UEVLD: variants seen among roughly 807,000 people sequenced by gnomAD.
UEVLD encodes ubiquitin-conjugating enzyme E2 variant 3.
UEVLD carries 47 observed loss-of-function variants against 58.6 expected under a neutral mutation model. The ratio of observed to expected loss-of-function variants is 0.80; its 90% CI spans 0.63 to 1.02. The LOEUF is 1.02. Ranked by LOEUF, UEVLD falls within the 50% of genes least tolerant of loss-of-function variation. The probability of loss-of-function intolerance (pLI) is 0.00; values close to 1 mark genes in which losing one functional copy is unlikely to be tolerated. For missense variants in UEVLD, 510 were observed against 550.6 expected (o/e 0.93, Z 0.74); for synonymous variants, 197 against 195.3 (o/e 1.01, Z -0.07).
At chr11:18,571,191 C>T (rs1852590046) in intron 3 of UEVLD, among the ~76,000 whole-genome samples, 1 of 151,902 alleles carries the variant, frequency 6.6e-6, no homozygotes, top group Non-Finnish European at 1.5e-5. Context: ...ACTAAAAATT[C>T]AAAAAGTTAA....
intron 2 of UEVLD, 86 bp downstream of exon 2, chr11:18,578,638 G>C: frequency 1.1e-6 from 1 of 913,196 alleles, no homozygotes; most frequent in South Asian, 1.5e-5. Flanking sequence ...AAGAGAAAAA[G>C]AGAAATTACA....
chr11:18,576,869 G>A (rs2134055340), intron 2 of UEVLD, among the ~76,000 whole-genome samples: 1 of 152,192 alleles, frequency 6.6e-6, no homozygotes, highest in East Asian at 1.9e-4. Context: ...ACAATGCTCG[G>A]GGCGACTGAT....
chr11:18,546,523 A>G (rs547758326), intron 8 of UEVLD, among the ~76,000 whole-genome samples: 4 of 145,256 alleles, frequency 2.8e-5, no homozygotes, highest in African/African-American at 1.0e-4. Context: ...TTTTTGAGAG[A>G]GTCTCACTCT....
chr11:18,564,022 A>AG, intron 6 of UEVLD: 1 of 351,572 alleles, frequency 2.8e-6, no homozygotes, highest in Non-Finnish European at 5.6e-6. Context: ...AAAAAAAAAA[A>AG]AAGAGGTGAT....
intron 1 of UEVLD, among the ~76,000 whole-genome samples, chr11:18,580,206 T>C (rs1853165187): frequency 4.6e-5 from 7 of 152,124 alleles, no homozygotes; most frequent in Admixed American, 3.9e-4. Flanking sequence ...TAACAAGTGT[T>C]GGAGAGGATG....
intron 3 of UEVLD, among the ~76,000 whole-genome samples, chr11:18,571,810 T>A (rs1007694250): frequency 1.8e-4 from 27 of 152,086 alleles, no homozygotes; most frequent in Admixed American, 1.8e-3. Flanking sequence ...TGGTAGCACA[T>A]ATCTGTAGTC....
intron 3 of UEVLD, among the ~76,000 whole-genome samples, chr11:18,572,027 G>T (rs772436585): frequency 2.0e-5 from 3 of 151,928 alleles, no homozygotes; most frequent in Non-Finnish European, 4.4e-5. Context: ...ACGAGATCAG[G>T]AGATCAAGAC....
chr11:18,570,240 A>C lies in UEVLD; in HGVS notation c.331T>G (p.Leu111Val), dbSNP rs1394851184. 1 of 1,606,148 alleles carries C rather than the reference A, an allele frequency of 6.2e-7. No homozygotes were observed. Among genetic ancestry groups the C allele is most frequent in the Non-Finnish European group, 8.5e-7 (1 of 1,177,626 alleles). ...TGGCTCCAGTTTTGGAGATAGGGCAAATATATTCTGCCTTGAGCATCCACA... is the reference window on the plus strand; with the variant it reads ...TGGCTCCAGTTTTGGAGATAGGGCACATATATTCTGCCTTGAGCATCCACA... ...KHVDAQGRIY[L>V]PYLQNWSHPK... Residue 111 changes from leucine to valine, a missense_variant, in exon 4 of 12, where the codon TTG (leucine) becomes GTG (valine). Physicochemically the swap from Leu to Val is conservative, Grantham distance 32 (BLOSUM62 1). Coordinates refer to ENST00000396197, the MANE Select transcript of UEVLD (RefSeq NM_001040697.4).
At chr11:18,537,424 C>T (rs1351349568) in intron 9 of UEVLD, among the ~76,000 whole-genome samples, 1 of 149,992 alleles carries the variant, frequency 6.7e-6, no homozygotes, top group African/African-American at 2.4e-5. Context: ...CTCCGCCTCC[C>T]GGTTCAAACA....
chr11:18,559,919 C>T (rs996675216), intron 6 of UEVLD, among the ~76,000 whole-genome samples: 1 of 151,878 alleles, frequency 6.6e-6, no homozygotes, highest in African/African-American at 2.4e-5. Flanking sequence ...GGCAAAAGTA[C>T]CCAAAGATCT....
intron 11 of UEVLD, among the ~76,000 whole-genome samples, chr11:18,533,471 T>G (rs1034636835): frequency 2.8e-5 from 4 of 143,662 alleles, no homozygotes; most frequent in African/African-American, 1.0e-4. Flanking sequence ...GCTGAGATGA[T>G]AAATGACAGT....
At chr11:18,543,943 A>T (rs1210571083) in intron 9 of UEVLD, among the ~76,000 whole-genome samples, 2 of 152,214 alleles carry the variant, frequency 1.3e-5, no homozygotes, top group Non-Finnish European at 2.9e-5. Context: ...ATCTAGGGAG[A>T]AGGTCTGAAC....
intron 8 of UEVLD, 118 bp downstream of exon 8, chr11:18,546,762 G>T (rs1259706344): frequency 3.6e-6 from 4 of 1,122,672 alleles, no homozygotes; most frequent in Non-Finnish European, 5.0e-6. Flanking sequence ...GACTCCCAGT[G>T]TTGGGATTAC....
At chr11:18,561,555 C>G (rs1852033301) in intron 6 of UEVLD, among the ~76,000 whole-genome samples, 1 of 141,454 alleles carries the variant, frequency 7.1e-6, no homozygotes, top group South Asian at 2.3e-4. Flanking sequence ...CAAGGTCACA[C>G]TACTGGCCAG....
chr11:18,555,724 G>A (rs1851727506), intron 7 of UEVLD, among the ~76,000 whole-genome samples: 1 of 152,160 alleles, frequency 6.6e-6, no homozygotes, highest in Non-Finnish European at 1.5e-5. Context: ...GAGGCAGGAG[G>A]ACTGCTTGAG....
intron 7 of UEVLD, among the ~76,000 whole-genome samples, chr11:18,557,096 A>G (rs1851784032): frequency 6.6e-6 from 1 of 151,696 alleles, no homozygotes; most frequent in Admixed American, 6.6e-5. Flanking sequence ...GACTCAAAAA[A>G]AAAAAAAAAA....
chr11:18,577,056 G>A (rs1451137259), intron 2 of UEVLD, among the ~76,000 whole-genome samples: 9 of 152,052 alleles, frequency 5.9e-5, no homozygotes, highest in Admixed American at 3.3e-4. Context: ...GGTGGCATGC[G>A]CCTGTAGTTC....
In UEVLD at chr11:18,564,998, G is replaced by C. The variant is rs113615601; in HGVS notation, c.506C>G (p.Thr169Arg). ...ATGATTTGCCCAGCTCTTTGAATTT[G>C]TATCTGAAACACCTAGAAAGAAAGG... The part of the protein sequence containing the change: ...IAKITEGVSD[T>R]NSKSWANHEN... Residue 169 changes from threonine to arginine, a missense_variant, in exon 6 of 12, where the codon ACA becomes AGA. Transcript: ENST00000396197. 2.5e-6 allele frequency: 4 copies of C among 1,609,928 alleles called. No homozygotes were observed.
At chr11:18,537,816 C>T (rs1850875285) in intron 9 of UEVLD, among the ~76,000 whole-genome samples, 1 of 152,016 alleles carries the variant, frequency 6.6e-6, no homozygotes, top group South Asian at 2.1e-4. Context: ...GTGCCTGCCA[C>T]CACACCAGGC....
Sources: allele counts gnomAD v4.1 joint callset (sites outside exome capture counted in the v4.1 genomes callset), GRCh38; gene constraint gnomAD v4.1.1; transcripts MANE v1.5; gene names NCBI Gene and HGNC (gene_info 2026-07-23, HGNC 2026-07-21).